DOCK1: variants seen among roughly 807,000 people sequenced by gnomAD.
DOCK1 encodes the protein dedicator of cytokinesis protein 1.
DOCK1 carries 138 observed loss-of-function variants against 262.7 expected under a neutral mutation model. That is an observed-to-expected ratio of 0.53 (90% CI 0.46 to 0.61). The LOEUF is 0.61. Ranked by LOEUF, DOCK1 falls within the 20% of genes least tolerant of loss-of-function variation. DOCK1 has a pLI of 0.00. For missense variants in DOCK1, 1,908 were observed against 2,370.7 expected (o/e 0.80, Z 4.05); for synonymous variants, 866 against 867.4 (o/e 1.00, Z 0.03).
chr10:126,975,979 T>C lies in DOCK1; in HGVS notation c.131-1969T>C, dbSNP rs1244685631. ...TGTCTCTGTATTATTTCCTTATGTA[T>C]TCTAAGACGTTAATCTTTGTCAGTT... On this transcript the variant is annotated intron_variant, in intron 2 of 51. Transcript: ENST00000623213. Among the ~76,000 whole-genome samples the C allele has an allele frequency of 6.6e-5, 10 of 152,190 alleles. 1 individual carries two copies. The highest frequency in any genetic ancestry group is 2.4e-4 in the African/African-American group (10 of 41,444).
chr10:127,053,857 T>C (rs560371357), intron 22 of DOCK1, among the ~76,000 whole-genome samples: 1 of 152,278 alleles, frequency 6.6e-6, no homozygotes, highest in South Asian at 2.1e-4. Flanking sequence ...GGGTGGGGTG[T>C]GGAATTTCAC....
intron 23 of DOCK1, among the ~76,000 whole-genome samples, chr10:127,090,987 T>G (rs895338516): frequency 6.6e-6 from 1 of 151,438 alleles, no homozygotes; most frequent in Non-Finnish European, 1.5e-5. Context: ...TATTTGGTTT[T>G]TTTTTTTTTT....
intron 35 of DOCK1, among the ~76,000 whole-genome samples, chr10:127,379,306 A>G (rs1382103827): frequency 2.0e-5 from 3 of 152,246 alleles, no homozygotes; most frequent in African/African-American, 7.2e-5. Context: ...GAAATAATCC[A>G]TTGGTTTTAA....
At chr10:127,193,841 G>C (rs144046825) in intron 27 of DOCK1, among the ~76,000 whole-genome samples, 1 of 152,138 alleles carries the variant, frequency 6.6e-6, no homozygotes, top group South Asian at 2.1e-4. Flanking sequence ...AGAAGCCCCC[G>C]AAGTAAACAG....
intron 49 of DOCK1, among the ~76,000 whole-genome samples, chr10:127,439,565 G>A (rs978805439): frequency 1.3e-5 from 2 of 152,176 alleles, no homozygotes; most frequent in African/African-American, 4.8e-5. Flanking sequence ...TTTGTTGTCA[G>A]GAAACAGTCC....
At chr10:127,344,680 A>G (rs2063557227) in intron 31 of DOCK1, 1 of 152,152 alleles carries the variant, frequency 6.6e-6, no homozygotes, top group Admixed American at 6.5e-5. Flanking sequence ...AAAGCACATC[A>G]TCTCTGGAGA....
At position 127,257,253 on chromosome 10, in the gene DOCK1, T is replaced by C. The variant is rs75604282; in HGVS notation, c.2950-82T>C. 1.0e-4 allele frequency: 117 copies of C among 1,142,284 alleles called. 1 individual carries two copies. The East Asian group carries it at 3.0e-3, about 29-fold the overall frequency. 70.8% of individuals were successfully genotyped at this position (1,142,284 alleles called of 1,614,324 possible). ...TTCATTCAGCCTTTAAAATGGGGTA[T>C]TTTATAATCTAATTGACAGGAGGGT... On this transcript the variant is annotated intron_variant, in intron 28 of 51. Coordinates refer to ENST00000623213, the MANE Select transcript of DOCK1 (RefSeq NM_001290223.2).
At position 127,362,159 on chromosome 10, in the gene DOCK1, A is replaced by T; in HGVS notation, c.3379A>T (p.Ile1127Phe). 1.9e-6 allele frequency: 3 copies of T among 1,613,954 alleles called. No homozygotes were observed. Among genetic ancestry groups the T allele is most frequent in the Non-Finnish European group, 2.5e-6 (3 of 1,179,870 alleles). The change falls in exon 33 of 52, where the codon ATC becomes TTC. Residue 1127 changes from isoleucine to phenylalanine, a missense_variant. Around this residue, in one of 9 missense-constraint regions of DOCK1, gnomAD observed 518 missense variants for 575.1 expected, o/e 0.90. Coordinates refer to ENST00000623213, the MANE Select transcript of DOCK1 (RefSeq NM_001290223.2). ...GGAGCTGCGCAAAGCCACCATCCCC[A>T]TCTTCTTTGATATGATGCAGTGTGA... is the stretch of plus-strand genomic sequence containing the variant. ...ETELRKATIP[I>F]FFDMMQCEFH...
chr10:127,000,930 C>G (rs759084919), intron 10 of DOCK1: 2 of 154,824 alleles, frequency 1.3e-5, no homozygotes, highest in Admixed American at 6.5e-5. Flanking sequence ...TGCTCTTCCT[C>G]CACCCTGCTG....
intron 1 of DOCK1, among the ~76,000 whole-genome samples, chr10:126,962,681 C>A (rs1259982020): frequency 1.3e-5 from 2 of 152,178 alleles, no homozygotes; most frequent in African/African-American, 2.4e-5. Context: ...TGTAGGTTGC[C>A]TTTTCTCTCT....
Position 127,383,946 on chromosome 10 carries a change from T to G in DOCK1, c.3808-844T>G, listed in dbSNP as rs555161162. 1.1e-4 allele frequency among the ~76,000 whole-genome samples: 17 copies of G among 152,314 alleles called. No individual in the cohort carries two copies. The East Asian group carries it at 3.3e-3, about 29-fold the overall frequency. ...TCTTCTTCTTCCTGTAGAAGGGTCT[T>G]GCTCTGTTGTCCAGGCTAGAGTGCA... On this transcript the variant is annotated intron_variant, in intron 37 of 51. Transcript: ENST00000623213.
intron 29 of DOCK1, among the ~76,000 whole-genome samples, chr10:127,272,378 A>G (rs2060600044): frequency 6.6e-6 from 1 of 152,098 alleles, no homozygotes; most frequent in African/African-American, 2.4e-5. Flanking sequence ...TCATGCTCAA[A>G]CCTCGGCAGC....
At chr10:126,998,834 A>ATG (rs1028335936) in intron 8 of DOCK1, 1 of 157,274 alleles carries the variant, frequency 6.4e-6, no homozygotes. Context: ...TGTATGAATT[A>ATG]TGTGTGTGTC....
At chr10:127,149,117 T>C (rs2052212828) in intron 27 of DOCK1, among the ~76,000 whole-genome samples, 1 of 152,174 alleles carries the variant, frequency 6.6e-6, no homozygotes, top group Non-Finnish European at 1.5e-5. Context: ...ACTTTTACCC[T>C]TCTGTGCAGT....
At chr10:127,401,750 G>A (rs1327950824) in intron 38 of DOCK1, among the ~76,000 whole-genome samples, 1 of 152,154 alleles carries the variant, frequency 6.6e-6, no homozygotes, top group Non-Finnish European at 1.5e-5. Context: ...ACCATCATCT[G>A]ACGGTCACCT....
intron 33 of DOCK1, among the ~76,000 whole-genome samples, chr10:127,369,302 G>T (rs2065084947): frequency 6.6e-6 from 1 of 152,008 alleles, no homozygotes; most frequent in Admixed American, 6.6e-5. Flanking sequence ...GTTTATTTTT[G>T]CTTTCAATGT....
intron 25 of DOCK1, among the ~76,000 whole-genome samples, chr10:127,117,515 A>G (rs560742844): frequency 6.6e-6 from 1 of 152,264 alleles, no homozygotes; most frequent in African/African-American, 2.4e-5. Context: ...AAATGTATAA[A>G]GTATACAGTG....
At chr10:127,249,087 G>T (rs2059530631) in intron 28 of DOCK1, among the ~76,000 whole-genome samples, 1 of 152,100 alleles carries the variant, frequency 6.6e-6, no homozygotes, top group Non-Finnish European at 1.5e-5. Flanking sequence ...GGGGACCGCT[G>T]TAAAAGAATA....
intron 49 of DOCK1, among the ~76,000 whole-genome samples, chr10:127,442,841 C>G (rs11018092): frequency 0.32 from 49,093 of 152,014 alleles, 8,302 homozygotes; most frequent in East Asian, 0.44. Context: ...TCCTTGCTGG[C>G]TATCTGCATG....
Sources: gnomAD v4.1 joint callset for allele counts (sites outside exome capture counted in the v4.1 genomes callset) on GRCh38, gnomAD v4.1.1 for gene constraint, gnomAD v4.1.1 regional missense constraint, MANE v1.5 for transcripts, NCBI Gene and HGNC (gene_info 2026-07-23, HGNC 2026-07-21) for gene names.